IL16: variants seen among roughly 807,000 people sequenced by gnomAD.
IL16 encodes the protein interleukin 16, also known as pro-interleukin-16.
Under a neutral mutation model 110.1 loss-of-function variants are expected in IL16, and 67 were observed. The observed-to-expected ratio is 0.61, with a 90% CI of 0.50 to 0.75. The LOEUF is 0.75. IL16 is among the 30% of genes least tolerant of loss of function. IL16 has a pLI of 0.00. For synonymous variants in IL16, 689 were observed against 662.9 expected (o/e 1.04, Z -0.61); for missense variants, 1,545 against 1,655.0 (o/e 0.93, Z 1.15).
chr15:81,280,980 G>C (rs1899147170), intron 8 of IL16, among the ~76,000 whole-genome samples: 1 of 152,192 alleles, frequency 6.6e-6, no homozygotes, highest in African/African-American at 2.4e-5. Flanking sequence ...ATATAATGCA[G>C]CTTCTTAGAC....
intron 8 of IL16, 139 bp from the exon 9 acceptor site, chr15:81,282,500 C>T: frequency 1.4e-6 from 1 of 699,650 alleles, no homozygotes; most frequent in Non-Finnish European, 2.6e-6. Flanking sequence ...GGTGCCTGCA[C>T]ACAACGACTA....
intron 3 of IL16, among the ~76,000 whole-genome samples, chr15:81,260,781 A>G (rs1898121093): frequency 6.6e-6 from 1 of 152,250 alleles, no homozygotes; most frequent in South Asian, 2.1e-4. Flanking sequence ...TGAGTCTCAC[A>G]TGATTCTGCT....
chr15:81,226,656 C>T (rs1232083666), intron 2 of IL16, among the ~76,000 whole-genome samples: 1 of 152,180 alleles, frequency 6.6e-6, no homozygotes, highest in Admixed American at 6.5e-5. Flanking sequence ...GTGTTAAGGG[C>T]CTTAAGGACT....
rs545715649 is a variant in IL16 at position 81,295,918 on chromosome 15, A to G, written c.1903-1010A>G. ...TGGAAGGAAGCCTGCAGCCATGTCA[A>G]ATGGCCCATCATTACACAAATCTGG... On this transcript the variant is annotated intron_variant, in intron 12 of 18. Coordinates refer to ENST00000683961, the MANE Select transcript of IL16 (RefSeq NM_172217.5). Among the ~76,000 whole-genome samples the G allele has an allele frequency of 7.0e-4, 107 of 152,284 alleles. 1 individual carries two copies. Among genetic ancestry groups the G allele is most frequent in the African/African-American group, 2.4e-3 (98 of 41,562 alleles).
chr15:81,192,313 A>G (rs74833904), upstream of IL16, among the ~76,000 whole-genome samples: 13,543 of 152,254 alleles, frequency 0.089, 974 homozygotes, highest in South Asian at 0.3. Flanking sequence ...AAATTTTTAA[A>G]AAAGTGGTTG....
At chr15:81,197,701 T>G (rs954229782) in intron 1 of IL16, among the ~76,000 whole-genome samples, 2 of 151,892 alleles carry the variant, frequency 1.3e-5, no homozygotes, top group African/African-American at 4.8e-5. Context: ...CCAGGATTGG[T>G]GTTTTTTTGT....
At chr15:81,184,922 T>C (rs978360218) in intron 1 of IL16, among the ~76,000 whole-genome samples, 1 of 152,172 alleles carries the variant, frequency 6.6e-6, no homozygotes, top group African/African-American at 2.4e-5. Flanking sequence ...GGTGGTTGGA[T>C]GTGTCCTCAA....
chr15:81,276,091 A>G (rs1898896691), intron 6 of IL16, among the ~76,000 whole-genome samples: 1 of 152,222 alleles, frequency 6.6e-6, no homozygotes, highest in South Asian at 2.1e-4. Flanking sequence ...TCCTTCTTTC[A>G]GCACACATGT....
chr15:81,307,421 T>C (rs1384232082), intron 18 of IL16, among the ~76,000 whole-genome samples: 2 of 152,204 alleles, frequency 1.3e-5, no homozygotes, highest in East Asian at 3.8e-4. Flanking sequence ...TCACCCACTA[T>C]GAGCTCCTGC....
At chr15:81,183,477 T>C (rs964586294) in intron 1 of IL16, among the ~76,000 whole-genome samples, 1 of 152,230 alleles carries the variant, frequency 6.6e-6, no homozygotes, top group Non-Finnish European at 1.5e-5. Flanking sequence ...CTTCTTCTTT[T>C]GCTCTGGAAA....
At chr15:81,286,380 G>C (rs1199534051) in intron 10 of IL16, among the ~76,000 whole-genome samples, 1 of 152,200 alleles carries the variant, frequency 6.6e-6, no homozygotes, top group African/African-American at 2.4e-5. Context: ...GATCATTCCA[G>C]GAGGTGGGAA....
upstream of IL16, among the ~76,000 whole-genome samples, chr15:81,194,040 A>G (rs1325471968): frequency 1.3e-5 from 2 of 152,100 alleles, no homozygotes; most frequent in Non-Finnish European, 2.9e-5. Flanking sequence ...TATTCTGCTC[A>G]TGATAATACA....
Position 81,225,546 on chromosome 15 carries a change from G to A in IL16, c.147G>A (p.Leu49=), listed in dbSNP as rs1209884739. The A allele has an allele frequency of 6.2e-7, 1 of 1,614,044 alleles. No homozygotes were observed. Among genetic ancestry groups the A allele is most frequent in the Admixed American group, 1.7e-5 (1 of 60,014 alleles). The change falls in exon 2 of 19, where the codon TTG becomes TTA. Residue 49 remains leucine (L), a synonymous_variant. Transcript: ENST00000683961. ...EKYPDPFEIS[L]AQGKEGIFHS... ...ATCCTGATCCCTTTGAGATTTCCTT[G>A]GCCCAGGGCAAGGAGGGAATTTTCC...
At chr15:81,249,481 A>G (rs763220392) in intron 2 of IL16, among the ~76,000 whole-genome samples, 1 of 152,102 alleles carries the variant, frequency 6.6e-6, no homozygotes, top group Non-Finnish European at 1.5e-5. Context: ...ATACAATTCT[A>G]TGTTGATGAT....
chr15:81,215,929 G>C (rs958003061), intron 1 of IL16, among the ~76,000 whole-genome samples: 2 of 152,232 alleles, frequency 1.3e-5, no homozygotes, highest in East Asian at 3.8e-4. Context: ...AGATCACCAG[G>C]AAAGTACTCA....
At chr15:81,186,907 C>T (rs1895427686) in intron 1 of IL16, among the ~76,000 whole-genome samples, 1 of 152,114 alleles carries the variant, frequency 6.6e-6, no homozygotes. Flanking sequence ...ATCCTCCCTG[C>T]CTCAGCATCC....
At chr15:81,265,086 GAAGTC>G (rs1328952480) in intron 3 of IL16, among the ~76,000 whole-genome samples, 2 of 152,230 alleles carry the variant, frequency 1.3e-5, no homozygotes, top group African/African-American at 2.4e-5. Context: ...TGGATGAAAG[GAAGTC>G]TGTGGTTTCC....
chr15:81,299,336 T>C, intron 13 of IL16, 44 bp from the exon 14 acceptor site: 1 of 1,604,308 alleles, frequency 6.2e-7, no homozygotes, highest in Non-Finnish European at 8.5e-7. Context: ...GAAAAGTCAC[T>C]GTATGATGTA....
chr15:81,182,940 T>G (rs1595928880), intron 1 of IL16: 3 of 1,242,166 alleles, frequency 2.4e-6, no homozygotes, highest in Non-Finnish European at 3.2e-6. Context: ...TCAGGGGAGG[T>G]TGGAATGGAG....
Sources: allele counts gnomAD v4.1 joint callset (sites outside exome capture counted in the v4.1 genomes callset), GRCh38; gene constraint gnomAD v4.1.1; transcripts MANE v1.5; gene names NCBI Gene and HGNC (gene_info 2026-07-23, HGNC 2026-07-21).